Variants in ADAMTSL1 observed in about 807,000 individuals in gnomAD.
ADAMTSL1 encodes ADAMTS-like protein 1.
Under a neutral mutation model 201.8 loss-of-function variants are expected in ADAMTSL1, and 126 were observed. The observed-to-expected ratio is 0.62, with a 90% confidence interval of 0.54 to 0.72. ADAMTSL1 has a LOEUF of 0.72. ADAMTSL1 is among the 30% of genes least tolerant of loss of function. The pLI, the probability that ADAMTSL1 is intolerant of heterozygous loss-of-function variation, is 0.00. For synonymous variants in ADAMTSL1, 1,121 were observed against 903.4 expected (o/e 1.24, Z -4.32); for missense variants, 2,679 against 2,277.8 (o/e 1.18, Z -3.59).
intron 2 of ADAMTSL1, among the ~76,000 whole-genome samples, chr9:18,211,228 A>T (rs1829859395): frequency 6.6e-6 from 1 of 151,936 alleles, no homozygotes; most frequent in Non-Finnish European, 1.5e-5. Context: ...TAACTTTTTA[A>T]CTCCATGGCT....
chr9:18,639,384 A>G lies in ADAMTSL1; in HGVS notation c.807A>G (p.Gly269=), dbSNP rs770018593. Residue 269 remains glycine (G), a synonymous_variant, in exon 7 of 29, where the codon GGA becomes GGG. Transcript: ENST00000380548. ...FPDKEILRMA[G]PLTADFIVKI... is the part of the protein sequence containing the mutation. ...ACAAAGAGATACTGAGAATGGCTGG[A>G]CCACTCACAGCAGATTTCATTGTCA... 1.9e-6 allele frequency: 3 copies of G among 1,612,778 alleles called. No homozygotes were observed. The highest frequency in any genetic ancestry group is 2.5e-6 in the Non-Finnish European group (3 of 1,179,130).
intron 2 of ADAMTSL1, among the ~76,000 whole-genome samples, chr9:18,460,996 A>G (rs1241335170): frequency 1.3e-5 from 2 of 152,190 alleles, no homozygotes; most frequent in Admixed American, 1.3e-4. Context: ...GAACACTGTC[A>G]TTTTGCAAGG....
chr9:18,280,910 C>G (rs1216857405), intron 2 of ADAMTSL1, among the ~76,000 whole-genome samples: 1 of 140,742 alleles, frequency 7.1e-6, no homozygotes, highest in African/African-American at 2.7e-5. Context: ...AGGTCTCACT[C>G]TGTCACCCAG....
chr9:18,070,351 T>G (rs1237805903), intron 1 of ADAMTSL1, among the ~76,000 whole-genome samples: 1 of 152,118 alleles, frequency 6.6e-6, no homozygotes, highest in Non-Finnish European at 1.5e-5. Context: ...CAGAGAGGGA[T>G]GGCAGGCAAA....
At chr9:18,274,322 G>T (rs1832502142) in intron 2 of ADAMTSL1, among the ~76,000 whole-genome samples, 1 of 152,182 alleles carries the variant, frequency 6.6e-6, no homozygotes, top group Non-Finnish European at 1.5e-5. Context: ...ATGTAGCGTT[G>T]TTGAGTTGTC....
At chr9:18,303,513 G>A (rs966764442) in intron 2 of ADAMTSL1, among the ~76,000 whole-genome samples, 1 of 152,140 alleles carries the variant, frequency 6.6e-6, no homozygotes, top group African/African-American at 2.4e-5. Context: ...GGCCATGAGC[G>A]GGCTTCTTCA....
At chr9:18,135,701 T>C (rs1221165807) in intron 1 of ADAMTSL1, among the ~76,000 whole-genome samples, 1 of 152,158 alleles carries the variant, frequency 6.6e-6, no homozygotes, top group Non-Finnish European at 1.5e-5. Flanking sequence ...GTATATCACA[T>C]GTATATCTAT....
chr9:18,142,868 C>A (rs537439846), intron 1 of ADAMTSL1, among the ~76,000 whole-genome samples: 1 of 152,186 alleles, frequency 6.6e-6, no homozygotes, highest in South Asian at 2.1e-4. Context: ...CCTGGTTTAG[C>A]TAGTTTCTAC....
intron 2 of ADAMTSL1, among the ~76,000 whole-genome samples, chr9:18,332,017 A>T (rs1243759620): frequency 6.6e-6 from 1 of 152,112 alleles, no homozygotes; most frequent in South Asian, 2.1e-4. Context: ...GTGAAACTTG[A>T]TCTCTCAGGG....
intron 26 of ADAMTSL1, among the ~76,000 whole-genome samples, chr9:18,899,060 C>T (rs550485547): frequency 3.3e-5 from 5 of 152,176 alleles, no homozygotes; most frequent in Non-Finnish European, 7.3e-5. Flanking sequence ...ATCGTCTCAG[C>T]CCAAAAGTTT....
In ADAMTSL1 at chr9:18,863,542, CG is replaced by C. The variant is rs565955765; in HGVS notation, c.4250-24287del. On this transcript the variant is annotated intron_variant, in intron 23 of 28. Coordinates refer to ENST00000380548, the MANE Select transcript of ADAMTSL1 (RefSeq NM_001040272.6). ...CAGCTTATTGGGAGGTCCCAGAAAT[CG>C]GAGTGAAAATTAAAGTTGCTTGTCT... 2.0e-5 allele frequency among the ~76,000 whole-genome samples: 3 copies of C among 152,140 alleles called. No homozygotes were observed. The South Asian group carries it at 6.2e-4, about 32-fold the overall frequency.
intron 2 of ADAMTSL1, among the ~76,000 whole-genome samples, chr9:18,317,281 C>T (rs754243598): frequency 5.3e-5 from 8 of 151,912 alleles, no homozygotes; most frequent in Admixed American, 1.3e-4. Flanking sequence ...TACAACTCTC[C>T]GTTATCAAAT....
At chr9:18,248,002 C>T (rs541538176) in intron 2 of ADAMTSL1, among the ~76,000 whole-genome samples, 9 of 152,196 alleles carry the variant, frequency 5.9e-5, no homozygotes, top group African/African-American at 2.2e-4. Context: ...GAAGACATTC[C>T]AAAGTTGCTT....
intron 2 of ADAMTSL1, among the ~76,000 whole-genome samples, chr9:18,524,988 A>G (rs1192851874): frequency 2.6e-5 from 4 of 152,014 alleles, no homozygotes; most frequent in Non-Finnish European, 5.9e-5. Context: ...CTCTTTTTCT[A>G]TTGATTGGAA....
At chr9:18,896,035 A>C (rs1448112538) in intron 26 of ADAMTSL1, among the ~76,000 whole-genome samples, 1 of 122,904 alleles carries the variant, frequency 8.1e-6, no homozygotes, top group African/African-American at 3.1e-5. Flanking sequence ...ACTTGAAGAT[A>C]GATAGGCCAA....
chr9:18,335,182 A>C (rs1029546959), intron 2 of ADAMTSL1, among the ~76,000 whole-genome samples: 1 of 152,182 alleles, frequency 6.6e-6, no homozygotes, highest in African/African-American at 2.4e-5. Context: ...TCTGGTAGAA[A>C]ACAGGCAACA....
At chr9:18,446,663 A>C (rs1820204696) in intron 2 of ADAMTSL1, among the ~76,000 whole-genome samples, 1 of 152,260 alleles carries the variant, frequency 6.6e-6, no homozygotes, top group African/African-American at 2.4e-5. Flanking sequence ...AGAACAAAAT[A>C]GAATCAGCAA....
chr9:18,443,123 G>A (rs1049271831), intron 2 of ADAMTSL1, among the ~76,000 whole-genome samples: 2 of 152,188 alleles, frequency 1.3e-5, no homozygotes, highest in Non-Finnish European at 2.9e-5. Context: ...AGTCATAGAA[G>A]GCTTTGAAAA....
intron 2 of ADAMTSL1, among the ~76,000 whole-genome samples, chr9:18,436,963 C>G (rs1183761019): frequency 9.2e-5 from 14 of 152,122 alleles, no homozygotes. Flanking sequence ...CTAACAGACA[C>G]TCTAGAGCTA....
Sources: allele counts gnomAD v4.1 joint callset (sites outside exome capture counted in the v4.1 genomes callset), GRCh38; gene constraint gnomAD v4.1.1; transcripts MANE v1.5; gene names NCBI Gene and HGNC (gene_info 2026-07-23, HGNC 2026-07-21).